COL21A1: variants seen among roughly 807,000 people sequenced by gnomAD.
COL21A1 encodes collagen alpha-1(XXI) chain.
Under a neutral mutation model 137.9 loss-of-function variants are expected in COL21A1, and 149 were observed. The ratio of observed to expected loss-of-function variants is 1.08; its 90% CI spans 0.95 to 1.24. The LOEUF (loss-of-function observed/expected upper bound fraction) is 1.24. COL21A1 is among the 50% of genes most tolerant of loss of function. COL21A1 has a pLI of 0.00. For synonymous variants in COL21A1, 456 were observed against 391.5 expected (o/e 1.16, Z -1.95); for missense variants, 1,167 against 1,158.4 (o/e 1.01, Z -0.11).
At chr6:56,098,508 AAT>A (rs1408124492) in intron 17 of COL21A1, among the ~76,000 whole-genome samples, 4 of 28,456 alleles carry the variant, frequency 1.4e-4, no homozygotes, top group African/African-American at 1.9e-4. Context: ...GATATATATA[AAT>A]ATATATATAA....
intron 10 of COL21A1, among the ~76,000 whole-genome samples, chr6:56,153,356 A>G (rs1463044959): frequency 6.6e-6 from 1 of 152,112 alleles, no homozygotes; most frequent in Non-Finnish European, 1.5e-5. Flanking sequence ...TTCTAACTAG[A>G]ATCAACGCCC....
intron 1 of COL21A1, among the ~76,000 whole-genome samples, chr6:56,389,502 T>C (rs1156776436): frequency 3.3e-5 from 5 of 150,934 alleles, no homozygotes; most frequent in African/African-American, 1.2e-4. Context: ...AGAGAGATAC[T>C]GGGGTGGGAA....
chr6:56,111,821 C>A (rs896753777), intron 16 of COL21A1, among the ~76,000 whole-genome samples: 1 of 151,884 alleles, frequency 6.6e-6, no homozygotes, highest in Non-Finnish European at 1.5e-5. Context: ...TTGCAGTAAG[C>A]CAAGATCGTG....
At chr6:56,191,410 C>A (rs1255214436) in intron 1 of COL21A1, among the ~76,000 whole-genome samples, 2 of 141,440 alleles carry the variant, frequency 1.4e-5, no homozygotes, top group African/African-American at 5.4e-5. Flanking sequence ...CATGGTGAAA[C>A]CCATCTCTAC....
At chr6:56,308,675 A>T (rs1242061399) in intron 1 of COL21A1, among the ~76,000 whole-genome samples, 1 of 152,360 alleles carries the variant, frequency 6.6e-6, no homozygotes, top group East Asian at 1.9e-4. Context: ...CCTATAGTTA[A>T]GAATAATATA....
intron 7 of COL21A1, among the ~76,000 whole-genome samples, chr6:56,166,549 G>A (rs994487694): frequency 3.3e-5 from 5 of 152,140 alleles, no homozygotes; most frequent in African/African-American, 1.2e-4. Flanking sequence ...CTACTCTGGA[G>A]GCTGAGGCAG....
intron 1 of COL21A1, among the ~76,000 whole-genome samples, chr6:56,363,058 T>C (rs981441641): frequency 1.3e-5 from 2 of 152,170 alleles, no homozygotes; most frequent in African/African-American, 4.8e-5. Context: ...GCATTCTTCC[T>C]AGAAACATGA....
chr6:56,335,080 T>C (rs1456302528), intron 1 of COL21A1, among the ~76,000 whole-genome samples: 1 of 152,100 alleles, frequency 6.6e-6, no homozygotes, highest in Non-Finnish European at 1.5e-5. Flanking sequence ...ATTGGTTTTT[T>C]TTGGATAGAC....
intron 16 of COL21A1, among the ~76,000 whole-genome samples, chr6:56,108,538 A>G (rs1045893951): frequency 2.2e-4 from 33 of 151,980 alleles, no homozygotes; most frequent in African/African-American, 7.5e-4. Flanking sequence ...TAAAGCCACA[A>G]TTCAAAATGA....
At chr6:56,379,591 G>A (rs1046514931) in intron 1 of COL21A1, among the ~76,000 whole-genome samples, 8 of 152,102 alleles carry the variant, frequency 5.3e-5, no homozygotes, top group Admixed American at 6.5e-5. Context: ...CTCATCCTAC[G>A]TTCCTGCCTA....
intron 29 of COL21A1, among the ~76,000 whole-genome samples, chr6:56,058,388 G>GGC (rs1376949640): frequency 2.0e-5 from 3 of 152,072 alleles, no homozygotes; most frequent in Admixed American, 6.6e-5. Context: ...AGCCTGATTA[G>GGC]TTCAATTAGC....
chr6:56,140,205 A>ATTTTGT (rs893615372), intron 12 of COL21A1, among the ~76,000 whole-genome samples: 1 of 152,188 alleles, frequency 6.6e-6, no homozygotes, highest in African/African-American at 2.4e-5. Context: ...CATTTAAAGT[A>ATTTTGT]TTTTTTAGAT....
intron 1 of COL21A1, among the ~76,000 whole-genome samples, chr6:56,316,759 C>T (rs1764748708): frequency 6.6e-6 from 1 of 151,830 alleles, no homozygotes. Flanking sequence ...CCTCAGTTCA[C>T]AGGAATGAGT....
At chr6:56,236,264 AC>A (rs1189303956) in intron 1 of COL21A1, among the ~76,000 whole-genome samples, 2 of 151,930 alleles carry the variant, frequency 1.3e-5, no homozygotes, top group Non-Finnish European at 2.9e-5. Context: ...TGTTTCTGTC[AC>A]TCCCAGAGTA....
At chr6:56,359,540 A>G (rs936073745) in intron 1 of COL21A1, among the ~76,000 whole-genome samples, 14 of 152,236 alleles carry the variant, frequency 9.2e-5, no homozygotes, top group African/African-American at 3.4e-4. Flanking sequence ...TCGTTATTAC[A>G]TTAATAAAGT....
At chr6:56,063,402 T>C (rs1193228090) in intron 24 of COL21A1, among the ~76,000 whole-genome samples, 1 of 152,026 alleles carries the variant, frequency 6.6e-6, no homozygotes, top group Non-Finnish European at 1.5e-5. Context: ...AGTTTATAGA[T>C]GTTTTGTGAT....
At chr6:56,075,999 T>A (rs751984103) in intron 18 of COL21A1, among the ~76,000 whole-genome samples, 3 of 151,284 alleles carry the variant, frequency 2.0e-5, no homozygotes, top group Admixed American at 6.6e-5. Context: ...TGTGAGAGAG[T>A]GCTGGTCTTC....
At chr6:56,116,547 T>C (rs1771949665) in intron 16 of COL21A1, among the ~76,000 whole-genome samples, 1 of 151,630 alleles carries the variant, frequency 6.6e-6, no homozygotes, top group Admixed American at 6.6e-5. Context: ...CAAGAAATGC[T>C]AAAGGCAGTA....
chr6:56,319,616 G>A (rs1247649567), intron 1 of COL21A1, among the ~76,000 whole-genome samples: 2 of 152,136 alleles, frequency 1.3e-5, no homozygotes, highest in Admixed American at 6.5e-5. Context: ...GGCATTATAG[G>A]CATGAGCCAC....
Sources: allele counts gnomAD v4.1 joint callset (sites outside exome capture counted in the v4.1 genomes callset), GRCh38; gene constraint gnomAD v4.1.1; transcripts MANE v1.5; gene names NCBI Gene and HGNC (gene_info 2026-07-23, HGNC 2026-07-21).